Variants in ACVR2B observed in about 807,000 individuals in gnomAD.
The protein encoded by ACVR2B is activin receptor type-2B.
Under a neutral mutation model 65.1 loss-of-function variants are expected in ACVR2B, and 18 were observed. The ratio of observed to expected loss-of-function variants is 0.28; its 90% confidence interval spans 0.19 to 0.41. ACVR2B has a LOEUF of 0.41. ACVR2B is among the 10% of genes least tolerant of loss of function. The pLI, the probability that ACVR2B is intolerant of heterozygous loss-of-function variation, is 1.00. For synonymous variants in ACVR2B, 298 were observed against 277.7 expected, an observed-to-expected ratio of 1.07 and a Z score of -0.73; for missense variants, 482 against 682.7, an observed-to-expected ratio of 0.71 and a Z score of 3.28.
At chr3:38,473,492 A>G (rs1709854572) in intron 1 of ACVR2B, 1 of 152,368 alleles carries the variant, frequency 6.6e-6, no homozygotes, top group Non-Finnish European at 1.5e-5. Context: ...CAGAGGCTAT[A>G]AATAGCTGAG....
rs1257855992 is a variant in ACVR2B at position 38,459,690 on chromosome 3, G to A, written c.52+5316G>A. On this transcript the variant is annotated intron_variant, in intron 1 of 10. Transcript: ENST00000352511. Reference sequence around the variant, plus strand: ...GCAGGTGGGCAGCCTCTCCCCAAAGGTATGGGTGCAAGTCTCTCCCTCAGG... The same window carrying A: ...GCAGGTGGGCAGCCTCTCCCCAAAGATATGGGTGCAAGTCTCTCCCTCAGG... 6.1e-6 allele frequency: 6 copies of A among 984,706 alleles called. No individual in the cohort carries two copies. The African/African-American group carries it at 7.0e-5, about 11-fold the overall frequency. 61.0% of individuals were successfully genotyped at this position (984,706 alleles called of 1,614,324 possible).
rs188465635 is a variant in ACVR2B, at chr3:38,482,580, C to T, written c.1344+20C>T. The T allele has an allele frequency of 1.2e-6, 2 of 1,607,176 alleles. No homozygotes were observed. Among genetic ancestry groups the T allele is most frequent in the Admixed American group, 3.4e-5 (2 of 59,094 alleles). On this transcript the variant is annotated intron_variant, in intron 10 of 10. Coordinates refer to ENST00000352511, the MANE Select transcript of ACVR2B (RefSeq NM_001106.4). Reference sequence around the variant, plus strand: ...CACCCGGTAAGGGGCCTGGTTCAGGCAACTTTGCAGGGGGGTGGAGAAGGG... The same window carrying T: ...CACCCGGTAAGGGGCCTGGTTCAGGTAACTTTGCAGGGGGGTGGAGAAGGG...
At chr3:38,475,905 G>A (rs1709899005) in intron 1 of ACVR2B, 1 of 152,602 alleles carries the variant, frequency 6.6e-6, no homozygotes, top group African/African-American at 2.4e-5. Context: ...GGGAATAGTG[G>A]TAGGAGAAGA....
In ACVR2B at chr3:38,478,399, C is replaced by T. The variant is rs754440123; in HGVS notation, c.547C>T (p.Pro183Ser). The T allele has an allele frequency of 3.7e-6, 6 of 1,614,122 alleles. No individual in the cohort carries two copies. Among genetic ancestry groups the T allele is most frequent in the Non-Finnish European group, 5.1e-6 (6 of 1,180,024 alleles). Residue 183 changes from proline (P) to serine (S), a missense_variant, in exon 5 of 11, where the codon CCT becomes TCT. Pro to Ser is a moderately conservative substitution (Grantham distance 74). This residue lies in a region of ACVR2B where 95 missense variants were observed against 91.6 expected (regional missense o/e 1.04). Transcript: ENST00000352511. ...GGACCCTGGGCCTCCACCACCATCC[C>T]CTCTGGTGGGCCTGAAGCCACTGCA... ...HEDPGPPPPSPLVGLKPLQLL... is the reference protein window; with the variant it reads ...HEDPGPPPPSSLVGLKPLQLL...
chr3:38,479,477 T>C (rs1365843337), intron 6 of ACVR2B, among the ~76,000 whole-genome samples: 2 of 152,146 alleles, frequency 1.3e-5, no homozygotes, highest in Non-Finnish European at 2.9e-5. Flanking sequence ...GGATAAGTTT[T>C]TATGATAAGA....
intron 1 of ACVR2B, among the ~76,000 whole-genome samples, chr3:38,463,315 C>A (rs1709679163): frequency 6.6e-6 from 1 of 152,154 alleles, no homozygotes; most frequent in Non-Finnish European, 1.5e-5. Context: ...ACTGGCAAGC[C>A]CACTGCATTT....
In ACVR2B at chr3:38,484,029, G is replaced by A. The variant is rs1317972821; in HGVS notation, c.*697G>A. 2 of 152,736 alleles carry A rather than the reference G, an allele frequency of 1.3e-5. No individual in the cohort carries two copies. The highest frequency in any genetic ancestry group is 6.5e-5 in the Admixed American group (1 of 15,288). The allele number at this position is 152,736 out of a possible 1,614,324, so 9.5% of individuals were successfully genotyped here. ...GCTACACTGGACTCGGGCACATTCG[G>A]AGCAGCATCCTTTAGTATGGAGGCT... On this transcript the variant is annotated 3_prime_UTR_variant, in exon 11 of 11. Coordinates refer to ENST00000352511, the MANE Select transcript of ACVR2B (RefSeq NM_001106.4).
chr3:38,471,620 A>G (rs1485252719), intron 1 of ACVR2B, among the ~76,000 whole-genome samples: 1 of 152,244 alleles, frequency 6.6e-6, no homozygotes, highest in Non-Finnish European at 1.5e-5. Flanking sequence ...ATGTGAGGTT[A>G]TAAGCTTCTG....
At chr3:38,459,766 G>C (rs1297734869) in intron 1 of ACVR2B, 2 of 761,370 alleles carry the variant, frequency 2.6e-6, no homozygotes, top group African/African-American at 1.9e-5. Context: ...TCCTGCTGTG[G>C]ACCTGGGGAG....
rs768040388 is a variant in ACVR2B, at chr3:38,492,108, C to G, written c.*8776C>G. On this transcript the variant is annotated 3_prime_UTR_variant, in exon 11 of 11. Transcript: ENST00000352511. ...ATGTAACACATACGGTTAAAGAACA[C>G]AGCAAAGGACAAAATTTGCAGGAAC... 10 of 152,384 alleles carry G rather than the reference C, an allele frequency of 6.6e-5. No homozygotes were observed. Among genetic ancestry groups the G allele is most frequent in the Non-Finnish European group, 1.0e-4 (7 of 68,024 alleles). 9.4% of individuals were successfully genotyped at this position (152,384 alleles called of 1,614,324 possible).
intron 1 of ACVR2B, among the ~76,000 whole-genome samples, chr3:38,470,503 A>G (rs867546211): frequency 9.9e-5 from 15 of 152,238 alleles, no homozygotes; most frequent in Non-Finnish European, 1.3e-4. Context: ...GAGAAAAGCA[A>G]CAAAGGCTCC....
chr3:38,482,105 G>A (rs544182920), intron 8 of ACVR2B, 93 bp from the exon 9 acceptor site: 28 of 1,572,648 alleles, frequency 1.8e-5, no homozygotes, highest in African/African-American at 1.4e-5. Flanking sequence ...TGTCTTGCCC[G>A]CCATCTGGTG....
rs1710096288 is a variant in ACVR2B at position 38,485,328 on chromosome 3, T to C, written c.*1996T>C. On this transcript the variant is annotated 3_prime_UTR_variant, in exon 11 of 11. Coordinates refer to ENST00000352511, the MANE Select transcript of ACVR2B (RefSeq NM_001106.4). ...TTGGGATTTAACTTCTTCAGCAAAT[T>C]AACAGCAACGTTGGAAGAGATCTGT... 6.6e-6 allele frequency: 1 copy of C among 152,210 alleles called. No individual in the cohort carries two copies. Among genetic ancestry groups the C allele is most frequent in the Admixed American group, 6.5e-5 (1 of 15,286 alleles). 9.4% of individuals were successfully genotyped at this position (152,210 alleles called of 1,614,324 possible).
intron 1 of ACVR2B, among the ~76,000 whole-genome samples, chr3:38,463,962 T>G (rs986520983): frequency 3.9e-5 from 6 of 152,256 alleles, no homozygotes; most frequent in African/African-American, 1.4e-4. Flanking sequence ...CAGGTGTCTC[T>G]TCTTATAAAG....
rs541955988 is a variant in ACVR2B at position 38,485,223 on chromosome 3, G to A, written c.*1891G>A. On this transcript the variant is annotated 3_prime_UTR_variant, in exon 11 of 11. Transcript: ENST00000352511. ...TTCACATGTAACATGTAACTTGATC[G>A]GTCAGTGTTCAGAATGACAAGTAAC... The A allele has an allele frequency of 1.3e-5, 2 of 152,182 alleles. No homozygotes were observed. Among genetic ancestry groups the A allele is most frequent in the African/African-American group, 2.4e-5 (1 of 41,438 alleles). 9.4% of individuals were successfully genotyped at this position (152,182 alleles called of 1,614,324 possible). A position where few individuals can be genotyped will look rare whatever the true frequency, so the allele number is the denominator to read the frequency against.
Position 38,477,509 on chromosome 3 carries a change from G to T in ACVR2B, c.260+15G>T, listed in dbSNP as rs768269289. On this transcript the variant is annotated intron_variant, in intron 2 of 10. Coordinates refer to ENST00000352511, the MANE Select transcript of ACVR2B (RefSeq NM_001106.4). This position sits in a 1 kb window ranked among gnomAD's most constrained non-coding sequence, Gnocchi z 6.7. ...TGCTACGATAGGTACCCCAAGACTT[G>T]CCCTCCTTTCCTCTTGGACCCACCT... The T allele has an allele frequency of 1.9e-6, 3 of 1,612,376 alleles. No individual in the cohort carries two copies. Among genetic ancestry groups the T allele is most frequent in the African/African-American group, 1.3e-5 (1 of 74,896 alleles).
In ACVR2B at chr3:38,482,442, A is replaced by G. The variant is rs147650411; in HGVS notation, c.1226A>G (p.Glu409Gly). The G allele has an allele frequency of 6.2e-7, 1 of 1,612,326 alleles. No individual in the cohort carries two copies. Among genetic ancestry groups the G allele is most frequent in the African/African-American group, 1.3e-5 (1 of 74,226 alleles). The change falls in exon 10 of 11, where the codon GAG (glutamate) becomes GGG (glycine). Residue 409 changes from glutamate to glycine, a missense_variant. By Grantham distance (98) the Glu-to-Gly change is moderately conservative (BLOSUM62 -2). Transcript: ENST00000352511. ...CTCTTTCTCCTAGGACCCGTGGATG[A>G]GTACATGCTGCCCTTTGAGGAAGAG... ...RCKAADGPVDEYMLPFEEEIG... is the reference protein window; with the variant it reads ...RCKAADGPVDGYMLPFEEEIG...
At position 38,485,276 on chromosome 3, in the gene ACVR2B, C is replaced by G. The variant is rs893705294; in HGVS notation, c.*1944C>G. 2.6e-5 allele frequency: 4 copies of G among 152,094 alleles called. No homozygotes were observed. Among genetic ancestry groups the G allele is most frequent in the Admixed American group, 6.6e-5 (1 of 15,266 alleles). The allele number at this position is 152,094 out of a possible 1,614,324, so 9.4% of individuals were successfully genotyped here. ...CGCTTAAACTTGGTAGAAGGATGGC[C>G]CTTAGACCTGAATGGGGTGATTTTA... On this transcript the variant is annotated 3_prime_UTR_variant, in exon 11 of 11. Transcript: ENST00000352511.
Position 38,490,080 on chromosome 3 carries a change from A to G in ACVR2B, c.*6748A>G, listed in dbSNP as rs1311192432. On this transcript the variant is annotated 3_prime_UTR_variant, in exon 11 of 11. Transcript: ENST00000352511. ...CAGAGTTTTCCTGCTTTTCTGAGGA[A>G]GCTCAGCATCACTGCCACAATACGG... The G allele has an allele frequency of 1.3e-5, 2 of 152,250 alleles. No individual in the cohort carries two copies. Among genetic ancestry groups the G allele is most frequent in the Admixed American group, 1.3e-4 (2 of 15,288 alleles). The allele number at this position is 152,250 out of a possible 1,614,324, so 9.4% of individuals were successfully genotyped here. A position where few individuals can be genotyped will look rare whatever the true frequency, so the allele number is the denominator to read the frequency against.
Sources: allele counts gnomAD v4.1 joint callset (sites outside exome capture counted in the v4.1 genomes callset), GRCh38; gene constraint gnomAD v4.1.1; regional missense constraint gnomAD v4.1.1; non-coding constraint Gnocchi (gnomAD v3.1); transcripts MANE v1.5; gene names NCBI Gene and HGNC (gene_info 2026-07-23, HGNC 2026-07-21).